Variants in EYA1 observed in about 807,000 individuals in gnomAD.
EYA1 encodes the protein EYA transcriptional coactivator and phosphatase 1, also known as protein phosphatase EYA1.
A neutral mutation model predicts 82.0 loss-of-function variants in EYA1; 16 were observed. The ratio of observed to expected loss-of-function variants is 0.20; its 90% CI spans 0.13 to 0.30. EYA1 has a LOEUF of 0.30. Among genes scored for constraint, EYA1 ranks in the 10% least tolerant of loss-of-function variants. EYA1 has a pLI of 1.00. For synonymous variants in EYA1, 261 were observed against 264.4 expected (o/e 0.99, Z 0.12); for missense variants, 633 against 730.7 (o/e 0.87, Z 1.54).
intron 2 of EYA1, chr8:71,404,538 G>T (rs1830110929): frequency 6.6e-6 from 1 of 152,198 alleles, no homozygotes; most frequent in African/African-American, 2.4e-5. Flanking sequence ...AGTTTAAAAT[G>T]TTTAAAAGCT....
chr8:71,280,844 G>A (rs1306891241), intron 9 of EYA1, among the ~76,000 whole-genome samples: 1 of 152,120 alleles, frequency 6.6e-6, no homozygotes, highest in East Asian at 1.9e-4. Flanking sequence ...GACCTCCTGG[G>A]CTTAGGTGAT....
At chr8:71,360,426 A>G (rs1211951364) in intron 1 of EYA1, among the ~76,000 whole-genome samples, 2 of 152,230 alleles carry the variant, frequency 1.3e-5, no homozygotes, top group African/African-American at 2.4e-5. Context: ...AAAATCATTT[A>G]TCATGTCTAT....
At chr8:71,427,872 TA>T (rs1563604318) in intron 2 of EYA1, among the ~76,000 whole-genome samples, 1 of 151,668 alleles carries the variant, frequency 6.6e-6, no homozygotes, top group African/African-American at 2.4e-5. Context: ...AATAAAAAAT[TA>T]GCCTGGTGTG....
chr8:71,371,307 G>A (rs1240428952), intron 2 of EYA1, among the ~76,000 whole-genome samples: 1 of 152,110 alleles, frequency 6.6e-6, no homozygotes, highest in African/African-American at 2.4e-5. Flanking sequence ...CTAAATGCTG[G>A]GATAACTGCC....
At chr8:71,383,532 A>C (rs1828823650) in intron 2 of EYA1, among the ~76,000 whole-genome samples, 3 of 152,162 alleles carry the variant, frequency 2.0e-5, no homozygotes, top group Non-Finnish European at 4.4e-5. Context: ...GAATAAACTA[A>C]AGCTACATAC....
At chr8:71,419,913 T>C in intron 2 of EYA1, among the ~76,000 whole-genome samples, 1 of 152,138 alleles carries the variant, frequency 6.6e-6, no homozygotes, top group East Asian at 1.9e-4. Context: ...AATTATCTTG[T>C]CTGTTTTTCA....
At chr8:71,301,914 T>C (rs934852402) in intron 7 of EYA1, among the ~76,000 whole-genome samples, 2 of 143,470 alleles carry the variant, frequency 1.4e-5, no homozygotes. Context: ...CCAGTTTTTG[T>C]TTTTTTTTTA....
At chr8:71,241,632 T>C (rs1273671833) in intron 12 of EYA1, among the ~76,000 whole-genome samples, 2 of 152,112 alleles carry the variant, frequency 1.3e-5, no homozygotes, top group Non-Finnish European at 2.9e-5. Context: ...ACTATTAAGC[T>C]CCTTGAAATT....
At chr8:71,476,920 C>A (rs1208879509) in intron 2 of EYA1, among the ~76,000 whole-genome samples, 2 of 151,890 alleles carry the variant, frequency 1.3e-5, no homozygotes, top group Non-Finnish European at 2.9e-5. Context: ...AAAAACACAC[C>A]CACACATCTA....
intron 2 of EYA1, among the ~76,000 whole-genome samples, chr8:71,511,320 G>C (rs1429498739): frequency 6.6e-6 from 1 of 152,132 alleles, no homozygotes; most frequent in Non-Finnish European, 1.5e-5. Context: ...AATTAGCCAT[G>C]GTCCCTGATC....
At chr8:71,250,656 G>T (rs189025151) in intron 11 of EYA1, among the ~76,000 whole-genome samples, 4 of 152,276 alleles carry the variant, frequency 2.6e-5, no homozygotes, top group Admixed American at 2.6e-4. Flanking sequence ...TCTATTTCGT[G>T]TAGAATGTTT....
At chr8:71,521,530 T>C (rs528584368) in intron 2 of EYA1, among the ~76,000 whole-genome samples, 1 of 152,290 alleles carries the variant, frequency 6.6e-6, no homozygotes, top group East Asian at 1.9e-4. Context: ...GTAGATTCAC[T>C]ACAGAAATTT....
chr8:71,287,002 A>T (rs1818457759), intron 9 of EYA1, among the ~76,000 whole-genome samples: 1 of 151,732 alleles, frequency 6.6e-6, no homozygotes. Flanking sequence ...GGGTTTCATC[A>T]TCTTGGCCAG....
intron 1 of EYA1, among the ~76,000 whole-genome samples, chr8:71,538,136 A>T (rs373707414): frequency 6.6e-6 from 1 of 152,194 alleles, no homozygotes; most frequent in East Asian, 1.9e-4. Context: ...ATATGACATG[A>T]CTGGGTCTAC....
intron 2 of EYA1, among the ~76,000 whole-genome samples, chr8:71,502,403 A>G (rs1424000898): frequency 6.6e-6 from 1 of 152,200 alleles, no homozygotes; most frequent in African/African-American, 2.4e-5. Flanking sequence ...GCAGAGCTAG[A>G]TTTTAATCAT....
chr8:71,220,199 T>C (rs1206309299), intron 12 of EYA1, among the ~76,000 whole-genome samples: 4 of 152,196 alleles, frequency 2.6e-5, no homozygotes, highest in Admixed American at 2.6e-4. Context: ...CATAATTCTA[T>C]GGGAAAATAA....
At chr8:71,535,921 C>T in intron 1 of EYA1, 1 of 453,714 alleles carries the variant, frequency 2.2e-6, no homozygotes, top group Non-Finnish European at 3.9e-6. Flanking sequence ...TTCACATCTG[C>T]AGCTTTCCAT....
At chr8:71,352,975 C>A (rs1023453046) in intron 3 of EYA1, among the ~76,000 whole-genome samples, 2 of 152,202 alleles carry the variant, frequency 1.3e-5, no homozygotes, top group Admixed American at 1.3e-4. Flanking sequence ...TAGTCCTACT[C>A]ATTTCTTCAT....
chr8:71,356,407 T>C, intron 2 of EYA1, 55 bp downstream of exon 2: 1 of 1,436,008 alleles, frequency 7.0e-7, no homozygotes, highest in Non-Finnish European at 9.6e-7. Flanking sequence ...CAAAAATAGA[T>C]ATGGGTCACA....
Sources: gnomAD v4.1 joint callset for allele counts (sites outside exome capture counted in the v4.1 genomes callset) on GRCh38, gnomAD v4.1.1 for gene constraint, MANE v1.5 for transcripts, NCBI Gene and HGNC (gene_info 2026-07-23, HGNC 2026-07-21) for gene names.